Variants in PHLDB1 observed in about 807,000 individuals in gnomAD.
The protein encoded by PHLDB1 is pleckstrin homology like domain family B member 1, also known as pleckstrin homology-like domain family B member 1.
In PHLDB1, 65 loss-of-function variants were observed where a neutral mutation model predicts 139.3. The ratio of observed to expected loss-of-function variants is 0.47; its 90% CI spans 0.38 to 0.57. The LOEUF (loss-of-function observed/expected upper bound fraction) is 0.57. Ranked by LOEUF, PHLDB1 falls within the 20% of genes least tolerant of loss-of-function variation. The pLI is 0.00. For missense variants in PHLDB1, 1,624 were observed against 1,839.7 expected (o/e 0.88, Z 2.14); for synonymous variants, 679 against 734.5 (o/e 0.92, Z 1.22).
rs782413667 is a variant in PHLDB1, at chr11:118,614,614, A to G, written c.116A>G (p.Lys39Arg). 4 of 1,613,866 alleles carry G rather than the reference A, an allele frequency of 2.5e-6. No individual in the cohort carries two copies. The East Asian group carries it at 6.7e-5, about 27-fold the overall frequency. Residue 39 changes from lysine to arginine, a missense_variant, in exon 3 of 23, where the codon AAA becomes AGA. By Grantham distance (26) the Lys-to-Arg change is conservative. Transcript: ENST00000600882. The part of the protein sequence containing the change: ...TGKGLKVQTD[K>R]PHLVSLGSGR... ...AAAGGGCTGAAAGTGCAAACGGACA[A>G]ACCCCACCTGGTGAGCCTGGGCAGT...
At chr11:118,626,026 A>G (rs1943792917) in intron 5 of PHLDB1, among the ~76,000 whole-genome samples, 1 of 152,148 alleles carries the variant, frequency 6.6e-6, no homozygotes, top group South Asian at 2.1e-4. Flanking sequence ...CAGTGGTTCC[A>G]GGGACTCCTA....
chr11:118,607,968 C>T (rs370453147), intron 1 of PHLDB1, among the ~76,000 whole-genome samples: 53 of 152,184 alleles, frequency 3.5e-4, no homozygotes, highest in Admixed American at 2.0e-3. Flanking sequence ...ACGCTCTCCC[C>T]CCCTTGGAGA....
chr11:118,645,668 G>A lies in PHLDB1; in HGVS notation c.3416+18G>A, dbSNP rs1565487134. 4 of 1,613,444 alleles carry A rather than the reference G, an allele frequency of 2.5e-6. No individual in the cohort carries two copies. In the South Asian group the frequency reaches 4.4e-5, roughly 18 times the overall value. On this transcript the variant is annotated intron_variant, in intron 16 of 22. Coordinates refer to ENST00000600882, the MANE Select transcript of PHLDB1 (RefSeq NM_001144758.3). This position sits in a 1 kb window ranked among gnomAD's most constrained non-coding sequence, Gnocchi z 5.1. ...ATGTCCAGGTACACCCGACGCCTGG[G>A]CCCGCAGCCTCCCTCAGCCACCGCC...
intron 20 of PHLDB1, chr11:118,654,051 A>G (rs1948693536): frequency 6.6e-6 from 1 of 152,242 alleles, no homozygotes; most frequent in Admixed American, 6.5e-5. Context: ...AGCAGTCCGT[A>G]AGTTGCCTTT....
rs1565393545 is a variant in PHLDB1, at chr11:118,614,822, C to T, written c.184+140C>T. 4 of 765,756 alleles carry T rather than the reference C, an allele frequency of 5.2e-6. No homozygotes were observed. The Admixed American group carries it at 1.1e-4, about 21-fold the overall frequency. 47.4% of individuals were successfully genotyped at this position (765,756 alleles called of 1,614,324 possible). ...CTCCCCACACCACCAGCTTGCTTCC[C>T]TTGTCTCTGCCTCCCCAGACTGCCT... On this transcript the variant is annotated intron_variant, in intron 3 of 22. Transcript: ENST00000600882.
intron 13 of PHLDB1, 144 bp downstream of exon 13, chr11:118,642,538 G>A: frequency 1.0e-6 from 1 of 960,996 alleles, no homozygotes; most frequent in Non-Finnish European, 1.5e-6. Flanking sequence ...TGGGCCCTGA[G>A]AGGGTCACTC....
chr11:118,650,249 A>G lies in PHLDB1; in HGVS notation c.3771+56A>G, dbSNP rs1948158674. On this transcript the variant is annotated intron_variant, in intron 19 of 22. Coordinates refer to ENST00000600882, the MANE Select transcript of PHLDB1 (RefSeq NM_001144758.3). The surrounding 1 kb of genome is among the most constrained non-coding windows in gnomAD (Gnocchi z 4.7). ...GGGAGAGGGAGAATCCCGTGGTGAG[A>G]GGCACCTCCTGGGTCGTTGGAATAG... is the stretch of plus-strand genomic sequence containing the variant. 1.5e-6 allele frequency: 2 copies of G among 1,335,710 alleles called. No homozygotes were observed. The highest frequency in any genetic ancestry group is 4.6e-5 in the East Asian group (2 of 43,566). The allele number at this position is 1,335,710 out of a possible 1,614,324, so 82.7% of individuals were successfully genotyped here.
At chr11:118,644,599 C>T in intron 15 of PHLDB1, 3 of 1,209,122 alleles carry the variant, frequency 2.5e-6, no homozygotes, top group Non-Finnish European at 3.2e-6. Flanking sequence ...CTCCTCTTAC[C>T]CCCTCTGTGT....
At position 118,632,544 on chromosome 11, in the gene PHLDB1, C is replaced by T. The variant is rs777065902; in HGVS notation, c.2379+248C>T. The T allele has an allele frequency of 5.5e-6, 3 of 549,644 alleles. No homozygotes were observed. Among genetic ancestry groups the T allele is most frequent in the Non-Finnish European group, 9.7e-6 (3 of 308,952 alleles). The allele number at this position is 549,644 out of a possible 1,614,324, so 34.0% of individuals were successfully genotyped here. A position where few individuals can be genotyped will look rare whatever the true frequency, so the allele number is the denominator to read the frequency against. On this transcript the variant is annotated intron_variant, in intron 9 of 22. Coordinates refer to ENST00000600882, the MANE Select transcript of PHLDB1 (RefSeq NM_001144758.3). This position sits in a 1 kb window ranked among gnomAD's most constrained non-coding sequence, Gnocchi z 5.9. ...TGGGTCTGTGTGCTACCTCTGGGTG[C>T]CTGCCATCCTAGGCCCTTTATGGCC... is the stretch of plus-strand genomic sequence containing the variant.
rs1555102838 is a variant in PHLDB1, at chr11:118,627,424, A to G, written c.601A>G (p.Met201Val). 4 of 1,614,082 alleles carry G rather than the reference A, an allele frequency of 2.5e-6. No homozygotes were observed. The highest frequency in any genetic ancestry group is 8.5e-7 in the Non-Finnish European group (1 of 1,180,034). Residue 201 changes from methionine to valine, a missense_variant, in exon 6 of 23, where the codon ATG (methionine) becomes GTG (valine). Physicochemically the swap from Met to Val is conservative, Grantham distance 21. Transcript: ENST00000600882. ...SSIEKDLQEI[M>V]DSLVLEEPGA... The stretch of plus-strand genomic sequence containing the variant: ...TATTGAGAAGGACCTGCAAGAGATC[A>G]TGGACTCACTGGTGCTAGAGGAGCC...
rs781803750 is a variant in PHLDB1 at position 118,645,821 on chromosome 11, C to A, written c.3503C>A (p.Ser1168Ter). The A allele has an allele frequency of 1.2e-6, 2 of 1,604,388 alleles. No homozygotes were observed. Among genetic ancestry groups the A allele is most frequent in the South Asian group, 1.1e-5 (1 of 90,864 alleles). Residue 1168 changes from serine to a stop codon, truncating the protein, a stop_gained, in exon 17 of 23, where the codon TCG (serine) becomes TAG (stop). Transcript: ENST00000600882. LOFTEE classifies it high-confidence loss of function. The surrounding 1 kb of genome is among the most constrained non-coding windows in gnomAD (Gnocchi z 5.1). ...GCAGAGAAGAACCGGCTCATGGAGT[C>A]GAGGGTGAGTCTGACCTGGATCGGG... ...AHAEKNRLME[S>*]REREMELRRQ...
chr11:118,648,508 G>T (rs668628), intron 18 of PHLDB1, among the ~76,000 whole-genome samples: 25,172 of 151,830 alleles, frequency 0.17, 2,285 homozygotes, highest in African/African-American at 0.22. Flanking sequence ...GCACCTTCCC[G>T]TCTGCTTCCC....
At chr11:118,642,158 T>G (rs1322328383) in intron 12 of PHLDB1, 96 bp from the exon 13 acceptor site, 1 of 1,147,480 alleles carries the variant, frequency 8.7e-7, no homozygotes, top group Non-Finnish European at 1.3e-6. Flanking sequence ...TTCTTCTTTC[T>G]CCCTTCTCCT....
At chr11:118,625,153 A>G in intron 5 of PHLDB1, 94 bp downstream of exon 5, 3 of 1,413,494 alleles carry the variant, frequency 2.1e-6, no homozygotes, top group Non-Finnish European at 2.8e-6. Flanking sequence ...GTGTTAGGGC[A>G]AGACAATACC....
chr11:118,649,653 C>G (rs561882342), intron 18 of PHLDB1, among the ~76,000 whole-genome samples: 1 of 152,216 alleles, frequency 6.6e-6, no homozygotes, highest in South Asian at 2.1e-4. Flanking sequence ...CGGCGTTTTA[C>G]ATGGAAGGAA....
intron 5 of PHLDB1, 70 bp from the exon 6 acceptor site, chr11:118,627,235 G>A (rs1275808989): frequency 8.2e-6 from 12 of 1,469,662 alleles, no homozygotes; most frequent in Admixed American, 5.7e-5. Flanking sequence ...CTAGGAGGAG[G>A]GGGGCTAGTG....
Position 118,643,924 on chromosome 11 carries a change from G to A in PHLDB1, c.3002G>A (p.Arg1001His), listed in dbSNP as rs782158725. The change falls in exon 14 of 23, where the codon CGT becomes CAT. Residue 1001 changes from arginine to histidine, a missense_variant. Arg to His is a conservative substitution (Grantham distance 29, BLOSUM62 0). Coordinates refer to ENST00000600882, the MANE Select transcript of PHLDB1 (RefSeq NM_001144758.3). ...CAGCTCAGCGTGGCTACCCTGGGGC[G>A]TAGCCCCTCCCCAAAGGTCTGAGGA... ...SSQLSVATLG[R>H]SPSPKSALLT... is the part of the protein sequence containing the mutation. 43 of 1,601,416 alleles carry A rather than the reference G, an allele frequency of 2.7e-5. No individual in the cohort carries two copies. Among genetic ancestry groups the A allele is most frequent in the Admixed American group, 2.6e-4 (15 of 58,778 alleles).
chr11:118,634,996 A>G (rs1402763076), intron 9 of PHLDB1: 1 of 467,816 alleles, frequency 2.1e-6, no homozygotes, highest in East Asian at 6.5e-5. Flanking sequence ...CTCCAGACGC[A>G]GCTCGATAAC....
rs1289424705 is a variant in PHLDB1, at chr11:118,631,384, G to A, written c.2005G>A (p.Gly669Ser). 6.6e-6 allele frequency: 10 copies of A among 1,510,562 alleles called. No individual in the cohort carries two copies. The highest frequency in any genetic ancestry group is 8.8e-6 in the Non-Finnish European group (10 of 1,130,856). The allele number at this position is 1,510,562 out of a possible 1,614,324, so 93.6% of individuals were successfully genotyped here. The change falls in exon 7 of 23, where the codon GGC becomes AGC. Residue 669 changes from glycine (G) to serine (S), a missense_variant. Physicochemically the swap from Gly to Ser is moderately conservative, Grantham distance 56 (BLOSUM62 0). Coordinates refer to ENST00000600882, the MANE Select transcript of PHLDB1 (RefSeq NM_001144758.3). The part of the protein sequence containing the change: ...GASGRSSEEP[G>S]VATQRLWESM... ...CTCTGGGCGGAGCAGCGAGGAGCCT[G>A]GCGTTGCCACCCAACGCCTATGGGA...
Sources: gnomAD v4.1 joint callset for allele counts (sites outside exome capture counted in the v4.1 genomes callset) on GRCh38, gnomAD v4.1.1 for gene constraint, Gnocchi (gnomAD v3.1) non-coding constraint, MANE v1.5 for transcripts, NCBI Gene and HGNC (gene_info 2026-07-23, HGNC 2026-07-21) for gene names.